The following SEMA5A variants were observed in gnomAD, a reference collection of about 807,000 sequenced individuals.
SEMA5A encodes the protein semaphorin-5A.
SEMA5A carries 55 observed loss-of-function variants against 135.5 expected under a neutral mutation model. That is an observed-to-expected ratio of 0.41 (90% CI 0.33 to 0.51). SEMA5A has a LOEUF of 0.51. SEMA5A is among the 20% of genes least tolerant of loss of function. SEMA5A has a pLI of 0.37. For missense variants in SEMA5A, 1,290 were observed against 1,419.9 expected, an observed-to-expected ratio of 0.91 and a Z score of 1.47; for synonymous variants, 580 against 546.5, an observed-to-expected ratio of 1.06 and a Z score of -0.85.
intron 4 of SEMA5A, among the ~76,000 whole-genome samples, chr5:9,330,728 G>A (rs1309438865): frequency 6.6e-6 from 1 of 152,112 alleles, no homozygotes. Flanking sequence ...AGAAAGGGGA[G>A]AACAAGTAGA....
At chr5:9,301,011 C>A (rs538600438) in intron 5 of SEMA5A, among the ~76,000 whole-genome samples, 17 of 152,316 alleles carry the variant, frequency 1.1e-4, no homozygotes, top group South Asian at 2.1e-4. Flanking sequence ...TTTGTTATTG[C>A]ATCCCTAGAA....
chr5:9,369,850 G>C lies in SEMA5A; in HGVS notation c.124+9973C>G, dbSNP rs78557609. On this transcript the variant is annotated intron_variant, in intron 3 of 22. Transcript: ENST00000382496. Reference sequence around the variant, plus strand: ...TTATCATTATGAAAGTTCCATCGCTGATGGAACATGTGTGATTAGATGAAC... The same window carrying C: ...TTATCATTATGAAAGTTCCATCGCTCATGGAACATGTGTGATTAGATGAAC... Among the ~76,000 whole-genome samples the C allele has an allele frequency of 7.0e-3, 1,053 of 151,238 alleles. 15 individuals are homozygous for C. The highest frequency in any genetic ancestry group is 0.024 in the African/African-American group (980 of 41,180).
intron 1 of SEMA5A, among the ~76,000 whole-genome samples, chr5:9,501,313 T>C (rs1162489380): frequency 6.6e-6 from 1 of 152,220 alleles, no homozygotes. Flanking sequence ...AAGGCTGAGA[T>C]AAGAGAAACT....
At position 9,092,952 on chromosome 5, in the gene SEMA5A, T is replaced by C. The variant is rs141359991; in HGVS notation, c.2073+15188A>G. ...AAAAATATTGTCCCTGATTGTAAAA[T>C]CATAAAATGTCATTTTTTAGTATTA... is the stretch of plus-strand genomic sequence containing the variant. On this transcript the variant is annotated intron_variant, in intron 16 of 22. Coordinates refer to ENST00000382496, the MANE Select transcript of SEMA5A (RefSeq NM_003966.3). 2.1e-3 allele frequency among the ~76,000 whole-genome samples: 321 copies of C among 152,336 alleles called. 5 individuals carry two copies. Among genetic ancestry groups the C allele is most frequent in the African/African-American group, 6.9e-3 (285 of 41,580 alleles).
intron 3 of SEMA5A, among the ~76,000 whole-genome samples, chr5:9,369,254 A>G (rs1007700605): frequency 6.6e-6 from 1 of 152,122 alleles, no homozygotes; most frequent in African/African-American, 2.4e-5. Flanking sequence ...GTGTGTGTGT[A>G]TGTATGTCAA....
At chr5:9,062,754 C>T in intron 18 of SEMA5A, 133 bp downstream of exon 18, 1 of 894,176 alleles carries the variant, frequency 1.1e-6, no homozygotes, top group Non-Finnish European at 1.7e-6. Context: ...AGCAACCACG[C>T]ATAGCCAAGA....
intron 1 of SEMA5A, among the ~76,000 whole-genome samples, chr5:9,457,900 CTTTTTT>C (rs70943966): frequency 1.4e-5 from 1 of 70,182 alleles, no homozygotes; most frequent in African/African-American, 6.1e-5. Flanking sequence ...AGCATCTCTC[CTTTTTT>C]TTTTTTTTTT....
rs182766904 is a variant in SEMA5A at position 9,084,024 on chromosome 5, C to T, written c.2074-17378G>A. ...TATCCATGCCCTAAAAGTGGAATAT[C>T]ATTGCTAACAAAAGGAAAACCTTAG... On this transcript the variant is annotated intron_variant, in intron 16 of 22. Coordinates refer to ENST00000382496, the MANE Select transcript of SEMA5A (RefSeq NM_003966.3). Among the ~76,000 whole-genome samples, 70 of 152,278 alleles carry T rather than the reference C, an allele frequency of 4.6e-4. 1 individual carries two copies. In the East Asian group the frequency reaches 0.013, roughly 27 times the overall value.
chr5:9,541,923 A>G (rs1464219154), intron 1 of SEMA5A, among the ~76,000 whole-genome samples: 2 of 152,200 alleles, frequency 1.3e-5, no homozygotes, highest in Non-Finnish European at 2.9e-5. Context: ...GAAATAAATT[A>G]CCTATTATCC....
chr5:9,056,090 G>C (rs1441840161), intron 18 of SEMA5A, among the ~76,000 whole-genome samples: 1 of 152,084 alleles, frequency 6.6e-6, no homozygotes, highest in East Asian at 1.9e-4. Flanking sequence ...GGCAGCTCAG[G>C]GCTCAGAAGG....
chr5:9,162,585 T>TATACAC (rs370982773), intron 11 of SEMA5A, among the ~76,000 whole-genome samples: 2 of 112,064 alleles, frequency 1.8e-5, no homozygotes, highest in Non-Finnish European at 3.3e-5. Context: ...TATATATATA[T>TATACAC]ACACACACAC....
intron 3 of SEMA5A, among the ~76,000 whole-genome samples, chr5:9,377,865 A>G (rs1020291251): frequency 3.9e-5 from 6 of 152,188 alleles, no homozygotes; most frequent in African/African-American, 1.4e-4. Flanking sequence ...TACAGAAATG[A>G]GTGATTCCCA....
chr5:9,257,780 T>C (rs1749157806), intron 5 of SEMA5A, among the ~76,000 whole-genome samples: 1 of 152,058 alleles, frequency 6.6e-6, no homozygotes, highest in Non-Finnish European at 1.5e-5. Flanking sequence ...GCAGATGTTT[T>C]ATTACAACTC....
At chr5:9,114,227 T>C (rs1394178221) in intron 15 of SEMA5A, among the ~76,000 whole-genome samples, 1 of 152,226 alleles carries the variant, frequency 6.6e-6, no homozygotes, top group Admixed American at 6.5e-5. Flanking sequence ...GGATTCCACT[T>C]ATGTGACATA....
Position 9,539,012 on chromosome 5 carries a change from T to C in SEMA5A, c.-175+6572A>G, listed in dbSNP as rs545866515. ...TACTCTTTGTAAGTGTACAATTTAA[T>C]GATTTTTAGTACATGTACAGAGTTG... On this transcript the variant is annotated intron_variant, in intron 1 of 22. Transcript: ENST00000382496. 4.6e-5 allele frequency among the ~76,000 whole-genome samples: 7 copies of C among 152,348 alleles called. No individual in the cohort carries two copies. In the South Asian group the frequency reaches 1.4e-3, roughly 32 times the overall value.
At chr5:9,295,464 T>C (rs1174939715) in intron 5 of SEMA5A, among the ~76,000 whole-genome samples, 1 of 152,126 alleles carries the variant, frequency 6.6e-6, no homozygotes, top group South Asian at 2.1e-4. Flanking sequence ...ACACTGAATG[T>C]TTGAATCTTA....
chr5:9,209,048 A>G (rs1746203297), intron 8 of SEMA5A, among the ~76,000 whole-genome samples: 1 of 152,136 alleles, frequency 6.6e-6, no homozygotes. Context: ...TACTTTCATG[A>G]ATTTGCTGAT....
intron 5 of SEMA5A, among the ~76,000 whole-genome samples, chr5:9,276,988 T>C (rs914673754): frequency 5.3e-5 from 8 of 152,138 alleles, no homozygotes; most frequent in Non-Finnish European, 7.3e-5. Context: ...AAAGAGCTTC[T>C]GCACAGCAAA....
chr5:9,319,886 G>A (rs759699670), intron 4 of SEMA5A, among the ~76,000 whole-genome samples: 10 of 152,004 alleles, frequency 6.6e-5, no homozygotes, highest in Non-Finnish European at 1.5e-4. Context: ...AGTGACAAGT[G>A]ACAGCCAAAG....
Sources: gnomAD v4.1 joint callset for allele counts (sites outside exome capture counted in the v4.1 genomes callset) on GRCh38, gnomAD v4.1.1 for gene constraint, MANE v1.5 for transcripts, NCBI Gene and HGNC (gene_info 2026-07-23, HGNC 2026-07-21) for gene names.